SESN1: variants seen among roughly 807,000 people sequenced by gnomAD.
SESN1 encodes the protein sestrin-1.
SESN1 carries 30 observed loss-of-function variants against 59.3 expected under a neutral mutation model. The ratio of observed to expected loss-of-function variants is 0.51; its 90% CI spans 0.38 to 0.69. The LOEUF is 0.69. Ranked by LOEUF, SESN1 falls within the 30% of genes least tolerant of loss-of-function variation. The probability of loss-of-function intolerance (pLI) is 0.00; values close to 1 mark genes in which losing one functional copy is unlikely to be tolerated. For missense variants in SESN1, 566 were observed against 673.0 expected, an observed-to-expected ratio of 0.84 and a Z score of 1.76; for synonymous variants, 197 against 219.9, an observed-to-expected ratio of 0.90 and a Z score of 0.92.
chr6:109,044,670 T>C lies in SESN1; in HGVS notation c.280-42327A>G, dbSNP rs537329819. ...TGAATCTGAGGCCTATTTCTCTATC[T>C]ACCTAATATATTTAATCTTGATGTC... On this transcript the variant is annotated intron_variant, in intron 1 of 9. Transcript: ENST00000436639. Among the ~76,000 whole-genome samples, 186 of 152,248 alleles carry C rather than the reference T, an allele frequency of 1.2e-3. 1 individual carries two copies. Among genetic ancestry groups the C allele is most frequent in the African/African-American group, 4.0e-3 (168 of 41,540 alleles).
At chr6:109,091,987 A>G (rs1781323148) in intron 1 of SESN1, among the ~76,000 whole-genome samples, 1 of 152,216 alleles carries the variant, frequency 6.6e-6, no homozygotes, top group African/African-American at 2.4e-5. Flanking sequence ...CCTATGGGAG[A>G]CAGACACAAA....
intron 1 of SESN1, among the ~76,000 whole-genome samples, chr6:109,064,022 A>G (rs1179192469): frequency 1.3e-5 from 2 of 152,196 alleles, no homozygotes; most frequent in African/African-American, 4.8e-5. Flanking sequence ...AAATTGAGCC[A>G]TGTATACAAT....
In SESN1 at chr6:108,984,703, ATCAT is replaced by A. The variant is rs1779136504; in HGVS notation, c.*2837_*2840del. ...AAATGGAATTGTTAAATTTTTTTGG[ATCAT>A]TCATTGTTAGTGTATAGAAATACAA... is the stretch of plus-strand genomic sequence containing the variant. On this transcript the variant is annotated 3_prime_UTR_variant, in exon 10 of 10. Coordinates refer to ENST00000436639, the MANE Select transcript of SESN1 (RefSeq NM_014454.3). Among the ~76,000 whole-genome samples, 1 of 152,070 alleles carries A rather than the reference ATCAT, an allele frequency of 6.6e-6. No homozygotes were observed. The highest frequency in any genetic ancestry group is 2.4e-5 in the African/African-American group (1 of 41,396).
chr6:109,086,113 C>T (rs1781209367), intron 1 of SESN1, among the ~76,000 whole-genome samples: 1 of 152,184 alleles, frequency 6.6e-6, no homozygotes, highest in Non-Finnish European at 1.5e-5. Context: ...AATCCCAGCA[C>T]TTTGGGAAGC....
intron 1 of SESN1, among the ~76,000 whole-genome samples, chr6:109,021,936 T>C (rs556626914): frequency 6.6e-6 from 1 of 152,310 alleles, no homozygotes; most frequent in African/African-American, 2.4e-5. Context: ...ACACATATAC[T>C]ATATCTAAAG....
intron 1 of SESN1, among the ~76,000 whole-genome samples, chr6:109,076,662 C>T (rs9486992): frequency 0.023 from 3,557 of 152,202 alleles, 159 homozygotes; most frequent in African/African-American, 0.082. Flanking sequence ...AACAACAGAA[C>T]ATTAATTACT....
intron 1 of SESN1, among the ~76,000 whole-genome samples, chr6:109,064,395 G>A (rs1440876759): frequency 6.6e-6 from 1 of 151,062 alleles, no homozygotes; most frequent in African/African-American, 2.4e-5. Flanking sequence ...CATGGATTCA[G>A]CTACCTAGAC....
Position 108,998,825 on chromosome 6 carries a change from TATTTA to T in SESN1, c.730-75_730-71del, listed in dbSNP as rs1342793386. 78 of 1,467,180 alleles carry T rather than the reference TATTTA, an allele frequency of 5.3e-5. No individual in the cohort carries two copies. The Admixed American group carries it at 1.7e-3, about 31-fold the overall frequency. The allele number at this position is 1,467,180 out of a possible 1,614,324, so 90.9% of individuals were successfully genotyped here. Reference sequence around the variant, plus strand: ...GGTAAAAGTATACAGTTCATTTTAGTATTTAATTTATTGAAAACATGAGTCATCAT... The same window carrying T: ...GGTAAAAGTATACAGTTCATTTTAGTATTTATTGAAAACATGAGTCATCAT... On this transcript the variant is annotated intron_variant, in intron 4 of 9. Transcript: ENST00000436639.
rs117714641 is a variant in SESN1, at chr6:109,078,667, A to G, written c.279+15128T>C. 3.9e-3 allele frequency among the ~76,000 whole-genome samples: 591 copies of G among 152,314 alleles called. 2 individuals are homozygous for G. Among genetic ancestry groups the G allele is most frequent in the Non-Finnish European group, 7.0e-3 (477 of 68,024 alleles). On this transcript the variant is annotated intron_variant, in intron 1 of 9. Coordinates refer to ENST00000436639, the MANE Select transcript of SESN1 (RefSeq NM_014454.3). The stretch of plus-strand genomic sequence containing the variant: ...CTTAATTTGTTCTTCGATTTTCATT[A>G]CAAAATTCTTAAGGGCAATAGTTGT...
intron 1 of SESN1, among the ~76,000 whole-genome samples, chr6:109,078,161 C>T (rs890009016): frequency 5.3e-5 from 8 of 151,812 alleles, no homozygotes; most frequent in African/African-American, 1.5e-4. Context: ...AAACAATTTT[C>T]AATAATTACA....
intron 6 of SESN1, among the ~76,000 whole-genome samples, chr6:108,994,163 A>G (rs112385988): frequency 0.09 from 13,183 of 147,042 alleles, 664 homozygotes; most frequent in South Asian, 0.17. Context: ...AAAAAAAAAA[A>G]GAGAAAAAAG....
intron 1 of SESN1, among the ~76,000 whole-genome samples, chr6:109,056,851 T>C (rs539289047): frequency 6.6e-6 from 1 of 152,306 alleles, no homozygotes; most frequent in South Asian, 2.1e-4. Context: ...GACCACAGAA[T>C]ATGGCAGGAG....
intron 1 of SESN1, among the ~76,000 whole-genome samples, chr6:109,062,051 G>T (rs56160933): frequency 0.015 from 2,328 of 152,190 alleles, 25 homozygotes; most frequent in Non-Finnish European, 0.024. Flanking sequence ...AAGAGACAGG[G>T]TCTTACTCTG....
intron 1 of SESN1, among the ~76,000 whole-genome samples, chr6:109,092,380 C>G (rs1781329253): frequency 6.6e-6 from 1 of 152,196 alleles, no homozygotes; most frequent in Non-Finnish European, 1.5e-5. Context: ...ACTTATTTAT[C>G]ATTATATTGA....
chr6:109,067,829 G>T (rs1398424614), intron 1 of SESN1, among the ~76,000 whole-genome samples: 2 of 152,216 alleles, frequency 1.3e-5, no homozygotes, highest in African/African-American at 2.4e-5. Flanking sequence ...CCCCTGCAAA[G>T]TATGTATCTG....
At chr6:109,085,175 A>G (rs1482274400) in intron 1 of SESN1, among the ~76,000 whole-genome samples, 1 of 151,816 alleles carries the variant, frequency 6.6e-6, no homozygotes, top group Non-Finnish European at 1.5e-5. Flanking sequence ...TAGTGTGACT[A>G]TCTAGCTAAG....
At chr6:109,013,635 A>G (rs1196010820) in intron 1 of SESN1, among the ~76,000 whole-genome samples, 1 of 152,240 alleles carries the variant, frequency 6.6e-6, no homozygotes, top group Non-Finnish European at 1.5e-5. Context: ...AGATTTGCAC[A>G]TCTCCTCATT....
chr6:109,018,516 T>C (rs968799502), intron 1 of SESN1, among the ~76,000 whole-genome samples: 4 of 152,228 alleles, frequency 2.6e-5, no homozygotes, highest in Non-Finnish European at 5.9e-5. Flanking sequence ...CTCAGGCACA[T>C]TTGCTTGGTA....
chr6:108,998,476 T>A, intron 5 of SESN1, 37 bp downstream of exon 5: 1 of 1,608,812 alleles, frequency 6.2e-7, no homozygotes, highest in South Asian at 1.1e-5. Context: ...ATTATTGTGA[T>A]TAGTTTTATG....
Sources: allele counts gnomAD v4.1 joint callset (sites outside exome capture counted in the v4.1 genomes callset), GRCh38; gene constraint gnomAD v4.1.1; transcripts MANE v1.5; gene names NCBI Gene and HGNC (gene_info 2026-07-23, HGNC 2026-07-21).